CEP104: variants seen among roughly 807,000 people sequenced by gnomAD.
The protein encoded by CEP104 is centrosomal protein 104.
A neutral mutation model predicts 113.3 loss-of-function variants in CEP104; 84 were observed. The ratio of observed to expected loss-of-function variants is 0.74; its 90% CI spans 0.62 to 0.89. The LOEUF is 0.89. CEP104 is among the 40% of genes least tolerant of loss of function. The pLI is 0.00. For synonymous variants in CEP104, 378 were observed against 421.7 expected, an observed-to-expected ratio of 0.90 and a Z score of 1.27; for missense variants, 1,053 against 1,156.6, an observed-to-expected ratio of 0.91 and a Z score of 1.30.
At chr1:3,825,412 A>G (rs957856291) in intron 18 of CEP104, among the ~76,000 whole-genome samples, 11 of 152,194 alleles carry the variant, frequency 7.2e-5, no homozygotes, top group Non-Finnish European at 1.3e-4. Flanking sequence ...CCATTCAAGC[A>G]GTGGACACTA....
Position 3,823,909 on chromosome 1 carries a change from A to G in CEP104, c.2365-347T>C, listed in dbSNP as rs2368535. Among the ~76,000 whole-genome samples, 102,111 of 152,104 alleles carry G rather than the reference A, an allele frequency of 0.67. 35,850 individuals are homozygous for G. The highest frequency in any genetic ancestry group is 0.89 in the African/African-American group (36,981 of 41,516). On this transcript the variant is annotated intron_variant, in intron 18 of 21. Transcript: ENST00000378230. The surrounding 1 kb of genome is among the most constrained non-coding windows in gnomAD (Gnocchi z 4.1). ...CCCAAGGTTGAAATTGTGGCTCCCCACTATTTCTAAGAATGCACACAGAAA... is the reference window on the plus strand; with the variant it reads ...CCCAAGGTTGAAATTGTGGCTCCCCGCTATTTCTAAGAATGCACACAGAAA...
chr1:3,832,205 T>C (rs1297541876), intron 12 of CEP104, among the ~76,000 whole-genome samples: 1 of 152,248 alleles, frequency 6.6e-6, no homozygotes, highest in Non-Finnish European at 1.5e-5. Flanking sequence ...ATTCTAGCTG[T>C]CATAACCAGG....
In CEP104 at chr1:3,835,089, C is replaced by A; in HGVS notation, c.1321G>T (p.Ala441Ser). 8 of 1,611,382 alleles carry A rather than the reference C, an allele frequency of 5.0e-6. No individual in the cohort carries two copies. The highest frequency in any genetic ancestry group is 6.8e-6 in the Non-Finnish European group (8 of 1,178,504). The change falls in exon 11 of 22, where the codon GCT (alanine) becomes TCT (serine). Residue 441 changes from alanine (A) to serine (S), a missense_variant. Coordinates refer to ENST00000378230, the MANE Select transcript of CEP104 (RefSeq NM_014704.4). ...GACCACGTCTTACAATAGGCCTCAG[C>A]AACCTACCACAAAACAGGCAGCATT... ...AIDVLGETLV[A>S]EAYCKTWSYR...
In CEP104 at chr1:3,814,015, T is replaced by C. The variant is rs1224497235; in HGVS notation, c.*1387A>G. 2 of 152,224 alleles carry C rather than the reference T, an allele frequency of 1.3e-5. No individual in the cohort carries two copies. Among genetic ancestry groups the C allele is most frequent in the Non-Finnish European group, 2.9e-5 (2 of 68,034 alleles). 9.4% of individuals were successfully genotyped at this position (152,224 alleles called of 1,614,324 possible). The stretch of plus-strand genomic sequence containing the variant: ...TAATGTATCCAGGCCAGGGAGTACA[T>C]TGTTCAAATCGGGATTAGTTTTTAG... On this transcript the variant is annotated 3_prime_UTR_variant, in exon 22 of 22. Coordinates refer to ENST00000378230, the MANE Select transcript of CEP104 (RefSeq NM_014704.4).
Position 3,823,475 on chromosome 1 carries a change from C to T in CEP104, c.2452G>A (p.Ala818Thr), listed in dbSNP as rs776087152. Residue 818 changes from alanine to threonine, a missense_variant, in exon 19 of 22, where the codon GCT becomes ACT. Transcript: ENST00000378230. The surrounding 1 kb of genome is among the most constrained non-coding windows in gnomAD (Gnocchi z 4.1). ...CTGGGCAGCTCTTCCTTGAAAACAGCCTCACTGCAACGGTAACACTTTCCA... is the reference window on the plus strand; with the variant it reads ...CTGGGCAGCTCTTCCTTGAAAACAGTCTCACTGCAACGGTAACACTTTCCA... ...GFGKCYRCSE[A>T]VFKEELPRHI... is the part of the protein sequence containing the mutation. 7 of 1,614,230 alleles carry T rather than the reference C, an allele frequency of 4.3e-6. No individual in the cohort carries two copies. In the South Asian group the frequency reaches 7.7e-5, roughly 18 times the overall value.
At position 3,826,407 on chromosome 1, in the gene CEP104, C is replaced by T. The variant is rs756631926; in HGVS notation, c.2218G>A (p.Glu740Lys). The part of the protein sequence containing the change: ...DIQGGKAAPA[E>K]ALGIPDEHYL... ...TGCTCATCCGGGATTCCCAGAGCTT[C>T]AGCAGGGGCTGCTTTCCCTCCTTGA... Residue 740 changes from glutamate to lysine, a missense_variant, in exon 17 of 22, where the codon GAA becomes AAA. Coordinates refer to ENST00000378230, the MANE Select transcript of CEP104 (RefSeq NM_014704.4). The T allele has an allele frequency of 4.3e-6, 7 of 1,613,912 alleles. No individual in the cohort carries two copies. The Admixed American group carries it at 1.2e-4, about 27-fold the overall frequency.
Position 3,823,827 on chromosome 1 carries a change from C to T in CEP104, c.2365-265G>A, listed in dbSNP as rs1440680892. 2.6e-5 allele frequency among the ~76,000 whole-genome samples: 4 copies of T among 152,154 alleles called. No individual in the cohort carries two copies. The highest frequency in any genetic ancestry group is 5.9e-5 in the Non-Finnish European group (4 of 68,036). ...CTGTCAAGGATGGGGAAGCTACGGT[C>T]GGCCTGAGTGTGAAGCTTGGATGAG... On this transcript the variant is annotated intron_variant, in intron 18 of 21. Coordinates refer to ENST00000378230, the MANE Select transcript of CEP104 (RefSeq NM_014704.4). This position sits in a 1 kb window ranked among gnomAD's most constrained non-coding sequence, Gnocchi z 4.1.
intron 1 of CEP104, among the ~76,000 whole-genome samples, chr1:3,853,236 AC>A (rs1359874616): frequency 6.6e-6 from 1 of 152,220 alleles, no homozygotes; most frequent in Non-Finnish European, 1.5e-5. Flanking sequence ...AGCAGGAATG[AC>A]AGGCAGGCAT....
At chr1:3,827,695 A>G (rs1465573476) in intron 15 of CEP104, among the ~76,000 whole-genome samples, 1 of 152,152 alleles carries the variant, frequency 6.6e-6, no homozygotes, top group African/African-American at 2.4e-5. Context: ...AAAGAGAAAA[A>G]TCCATCCCAT....
At chr1:3,855,817 A>T (rs1644712555) in intron 1 of CEP104, 1 of 806,696 alleles carries the variant, frequency 1.2e-6, no homozygotes, top group South Asian at 5.6e-5. Context: ...CACCATTAAC[A>T]ATTTGGGAAG....
At chr1:3,830,044 A>G in intron 13 of CEP104, 47 bp from the exon 14 acceptor site, 5 of 1,366,198 alleles carry the variant, frequency 3.7e-6, no homozygotes, top group Non-Finnish European at 4.2e-6. Flanking sequence ...AATAAAACTA[A>G]TTTCTTCCAG....
At position 3,829,792 on chromosome 1, in the gene CEP104, C is replaced by T; in HGVS notation, c.2042G>A (p.Arg681Lys). The T allele has an allele frequency of 6.2e-7, 1 of 1,613,900 alleles. No individual in the cohort carries two copies. Among genetic ancestry groups the T allele is most frequent in the Non-Finnish European group, 8.5e-7 (1 of 1,179,792 alleles). The part of the protein sequence containing the change: ...IDGRATDAEM[R>K]ARRKAATEEA... The stretch of plus-strand genomic sequence containing the variant: ...ACAACTTCACCAAAGTTAACTCACC[C>T]TCATCTCAGCATCTGTAGCTCTGCC... Residue 681 changes from arginine (R) to lysine (K), a missense_variant and splice_region_variant, in exon 14 of 22, where the codon AGG becomes AAG. Physicochemically the swap from Arg to Lys is conservative, Grantham distance 26. Transcript: ENST00000378230.
rs1570751944 is a variant in CEP104 at position 3,813,115 on chromosome 1, T to C, written c.*2287A>G. The stretch of plus-strand genomic sequence containing the variant: ...CTCATTCTTGTTCTGTTTAAAGAAG[T>C]GTTTTGTCTGTATTTTAAAAATGGA... On this transcript the variant is annotated 3_prime_UTR_variant, in exon 22 of 22. Transcript: ENST00000378230. The C allele has an allele frequency of 6.6e-6, 1 of 152,148 alleles. No homozygotes were observed. The highest frequency in any genetic ancestry group is 2.1e-4 in the South Asian group (1 of 4,824). The allele number at this position is 152,148 out of a possible 1,614,324, so 9.4% of individuals were successfully genotyped here. A position where few individuals can be genotyped will look rare whatever the true frequency, so the allele number is the denominator to read the frequency against.
At chr1:3,832,754 G>A (rs1644240985) in intron 12 of CEP104, among the ~76,000 whole-genome samples, 1 of 152,102 alleles carries the variant, frequency 6.6e-6, no homozygotes, top group African/African-American at 2.4e-5. Context: ...GCGAGATCAC[G>A]GCTCACTGCA....
chr1:3,830,776 CAAAAA>C (rs61056063), intron 13 of CEP104, among the ~76,000 whole-genome samples: 1 of 108,574 alleles, frequency 9.2e-6, no homozygotes, highest in Non-Finnish European at 1.9e-5. Flanking sequence ...GACTCCATCT[CAAAAA>C]AAAAAAAAAA....
In CEP104 at chr1:3,829,258, C is replaced by T. The variant is rs1410758425; in HGVS notation, c.2151+8G>A. On this transcript the variant is annotated splice_region_variant and intron_variant, in intron 15 of 21. Coordinates refer to ENST00000378230, the MANE Select transcript of CEP104 (RefSeq NM_014704.4). ...AGCACACAGGTGAAAGACGTGTTAACTTCCAACCTGAACTTCAGCCTGAAT... is the reference window on the plus strand; with the variant it reads ...AGCACACAGGTGAAAGACGTGTTAATTTCCAACCTGAACTTCAGCCTGAAT... 1 of 1,569,428 alleles carries T rather than the reference C, an allele frequency of 6.4e-7. No homozygotes were observed. The highest frequency in any genetic ancestry group is 8.6e-7 in the Non-Finnish European group (1 of 1,161,890).
At chr1:3,846,970 A>G (rs1644519532) in intron 4 of CEP104, among the ~76,000 whole-genome samples, 2 of 152,236 alleles carry the variant, frequency 1.3e-5, no homozygotes, top group South Asian at 4.1e-4. Flanking sequence ...TGCAACATTC[A>G]TGTGTCCACA....
Position 3,813,871 on chromosome 1 carries a change from T to C in CEP104, c.*1531A>G, listed in dbSNP as rs6695834. 97,418 of 151,606 alleles carry C rather than the reference T, an allele frequency of 0.64. 32,630 individuals carry two copies. Among genetic ancestry groups the C allele is most frequent in the African/African-American group, 0.85 (35,091 of 41,410 alleles). The allele number at this position is 151,606 out of a possible 1,614,324, so 9.4% of individuals were successfully genotyped here. A position where few individuals can be genotyped will look rare whatever the true frequency, so the allele number is the denominator to read the frequency against. ...TCGCAAACAAGCAGACAAACAACAC[T>C]GAGCAGAGCATATTCTTAAAGGTTC... On this transcript the variant is annotated 3_prime_UTR_variant, in exon 22 of 22. Transcript: ENST00000378230.
Position 3,823,994 on chromosome 1 carries a change from A to G in CEP104, c.2365-432T>C, listed in dbSNP as rs1644033824. 6.6e-6 allele frequency among the ~76,000 whole-genome samples: 1 copy of G among 152,222 alleles called. No individual in the cohort carries two copies. ...CGCTACGTTGGTGTCTCTGGCAGGA[A>G]TGACTTGTATATACTCTATAACTTC... is the stretch of plus-strand genomic sequence containing the variant. On this transcript the variant is annotated intron_variant, in intron 18 of 21. Transcript: ENST00000378230. This position sits in a 1 kb window ranked among gnomAD's most constrained non-coding sequence, Gnocchi z 4.1.
Sources: gnomAD v4.1 joint callset for allele counts (sites outside exome capture counted in the v4.1 genomes callset) on GRCh38, gnomAD v4.1.1 for gene constraint, Gnocchi (gnomAD v3.1) non-coding constraint, MANE v1.5 for transcripts, NCBI Gene and HGNC (gene_info 2026-07-23, HGNC 2026-07-21) for gene names.